The following SCFD2 variants were observed in gnomAD, a reference collection of about 807,000 sequenced individuals.
SCFD2 encodes the protein sec1 family domain-containing protein 2.
A neutral mutation model predicts 58.9 loss-of-function variants in SCFD2; 54 were observed. The ratio of observed to expected loss-of-function variants is 0.92; its 90% CI spans 0.74 to 1.15. The LOEUF (loss-of-function observed/expected upper bound fraction) is 1.15, where lower values mean the gene tolerates loss of function less well. Among genes scored for constraint, SCFD2 ranks in the 50% most tolerant of loss-of-function variants. The probability of loss-of-function intolerance (pLI) is 0.00; values close to 1 mark genes in which losing one functional copy is unlikely to be tolerated. For synonymous variants in SCFD2, 321 were observed against 335.9 expected, an observed-to-expected ratio of 0.96 and a Z score of 0.49; for missense variants, 805 against 836.6, an observed-to-expected ratio of 0.96 and a Z score of 0.47.
chr4:52,903,137 T>C (rs1321768368), intron 7 of SCFD2, among the ~76,000 whole-genome samples: 1 of 152,182 alleles, frequency 6.6e-6, no homozygotes, highest in Non-Finnish European at 1.5e-5. Flanking sequence ...TTCTGTTCTG[T>C]TCTCTAGAGA....
chr4:53,046,010 A>G lies in SCFD2; in HGVS notation c.1561+99323T>C, dbSNP rs148995026. Among the ~76,000 whole-genome samples the G allele has an allele frequency of 5.3e-4, 81 of 152,282 alleles. 1 individual carries two copies. The East Asian group carries it at 0.014, about 26-fold the overall frequency. On this transcript the variant is annotated intron_variant, in intron 5 of 8. Coordinates refer to ENST00000401642, the MANE Select transcript of SCFD2 (RefSeq NM_152540.4). ...CTTAAAGATGGGGAAACTAAAGATC[A>G]GAGGTCACTTAACTATCCAGAGGCT...
At chr4:53,178,546 GA>G (rs550200058) in intron 4 of SCFD2, among the ~76,000 whole-genome samples, 1 of 151,986 alleles carries the variant, frequency 6.6e-6, no homozygotes, top group African/African-American at 2.4e-5. Context: ...ACAAAGATGG[GA>G]AAAAAACAGA....
intron 3 of SCFD2, 52 bp downstream of exon 3, chr4:53,313,584 A>G: frequency 6.2e-7 from 1 of 1,609,300 alleles, no homozygotes; most frequent in Non-Finnish European, 8.5e-7. Flanking sequence ...AATTCAGAAC[A>G]GGTTTAAATA....
chr4:53,252,544 T>C (rs1172312759), intron 4 of SCFD2, among the ~76,000 whole-genome samples: 7 of 149,432 alleles, frequency 4.7e-5, no homozygotes, highest in African/African-American at 1.2e-4. Context: ...GAGATATAGA[T>C]CAATGGAACA....
intron 6 of SCFD2, among the ~76,000 whole-genome samples, chr4:52,912,776 ACTT>A (rs1466188065): frequency 6.6e-6 from 1 of 152,146 alleles, no homozygotes; most frequent in African/African-American, 2.4e-5. Context: ...CTTGGCAATG[ACTT>A]CTTAGATGGG....
chr4:53,196,925 T>C (rs1728076593), intron 4 of SCFD2, among the ~76,000 whole-genome samples: 4 of 152,172 alleles, frequency 2.6e-5, no homozygotes, highest in Non-Finnish European at 5.9e-5. Flanking sequence ...CGATATACTT[T>C]ACCACAAAAT....
chr4:52,902,854 C>T (rs1273755245), intron 7 of SCFD2, among the ~76,000 whole-genome samples: 2 of 152,308 alleles, frequency 1.3e-5, no homozygotes, highest in Non-Finnish European at 2.9e-5. Context: ...AGATGTGTTA[C>T]CACTACTTTC....
intron 3 of SCFD2, among the ~76,000 whole-genome samples, chr4:53,290,930 C>T (rs910549534): frequency 9.8e-4 from 149 of 152,068 alleles, no homozygotes; most frequent in African/African-American, 3.5e-3. Context: ...AGACCAATAA[C>T]AAATAAAGAG....
At chr4:53,210,503 CAGA>C (rs1193225997) in intron 4 of SCFD2, among the ~76,000 whole-genome samples, 3 of 152,026 alleles carry the variant, frequency 2.0e-5, no homozygotes, top group Admixed American at 1.3e-4. Context: ...AGATTGAATG[CAGA>C]AGGAGAGACG....
At position 53,261,341 on chromosome 4, in the gene SCFD2, C is replaced by T. The variant is rs190072348; in HGVS notation, c.1311+12485G>A. On this transcript the variant is annotated intron_variant, in intron 4 of 8. Coordinates refer to ENST00000401642, the MANE Select transcript of SCFD2 (RefSeq NM_152540.4). Reference sequence around the variant, plus strand: ...TGACCTTAGTTTATCTATTCGTGCTCTTTCAGACTTTTTGATGTAGGCATT... The same window carrying T: ...TGACCTTAGTTTATCTATTCGTGCTTTTTCAGACTTTTTGATGTAGGCATT... Among the ~76,000 whole-genome samples, 340 of 152,186 alleles carry T rather than the reference C, an allele frequency of 2.2e-3. 1 individual carries two copies. The highest frequency in any genetic ancestry group is 3.3e-3 in the Non-Finnish European group (223 of 68,000).
intron 4 of SCFD2, among the ~76,000 whole-genome samples, chr4:53,242,469 G>GAAA (rs58962140): frequency 1.3e-5 from 2 of 151,630 alleles, no homozygotes; most frequent in Non-Finnish European, 2.9e-5. Flanking sequence ...GATAAAAGAG[G>GAAA]AAAAAAAATC....
intron 4 of SCFD2, among the ~76,000 whole-genome samples, chr4:53,260,882 A>G (rs763332034): frequency 6.6e-5 from 10 of 151,866 alleles, no homozygotes; most frequent in Non-Finnish European, 1.3e-4. Context: ...CAATTTTTTT[A>G]TTGCCATTTC....
intron 2 of SCFD2, among the ~76,000 whole-genome samples, chr4:53,350,541 A>G (rs1162672898): frequency 2.0e-5 from 3 of 152,106 alleles, no homozygotes; most frequent in Non-Finnish European, 2.9e-5. Context: ...GCCAAAATTG[A>G]TTTCCATTGT....
At chr4:53,059,595 T>C (rs1020380516) in intron 5 of SCFD2, among the ~76,000 whole-genome samples, 1 of 112,840 alleles carries the variant, frequency 8.9e-6, no homozygotes, top group African/African-American at 3.3e-5. Context: ...CAAATGTCTT[T>C]TGGTAAAATC....
chr4:52,896,317 C>T (rs920753715), intron 7 of SCFD2, among the ~76,000 whole-genome samples: 8 of 152,128 alleles, frequency 5.3e-5, no homozygotes, highest in African/African-American at 1.9e-4. Flanking sequence ...AGTCTTTAAT[C>T]CATCTTGAAT....
rs559593237 is a variant in SCFD2, at chr4:53,295,879, C to A, written c.1135+17757G>T. On this transcript the variant is annotated intron_variant, in intron 3 of 8. Transcript: ENST00000401642. ...TGAATTTTGTCAAAGGTGTTTTCTG[C>A]ATCTATTGAGATAATCATGTGGTTT... 2.6e-5 allele frequency among the ~76,000 whole-genome samples: 4 copies of A among 152,256 alleles called. No homozygotes were observed. In the South Asian group the frequency reaches 8.3e-4, roughly 32 times the overall value.
At chr4:53,031,102 T>C (rs186949877) in intron 5 of SCFD2, among the ~76,000 whole-genome samples, 30 of 152,320 alleles carry the variant, frequency 2.0e-4, no homozygotes, top group Admixed American at 7.2e-4. Flanking sequence ...CAATCTTTGC[T>C]GTTCTGCAGC....
chr4:53,312,427 T>C (rs1327481226), intron 3 of SCFD2, among the ~76,000 whole-genome samples: 1 of 152,016 alleles, frequency 6.6e-6, no homozygotes, highest in Non-Finnish European at 1.5e-5. Context: ...CAAAATGGGA[T>C]ACTAATAGTA....
chr4:53,008,397 T>G (rs561108041), intron 5 of SCFD2, among the ~76,000 whole-genome samples: 1 of 152,174 alleles, frequency 6.6e-6, no homozygotes, highest in East Asian at 1.9e-4. Flanking sequence ...GAAGGCAGAA[T>G]AATGAGCACA....
Sources: allele counts gnomAD v4.1 joint callset (sites outside exome capture counted in the v4.1 genomes callset), GRCh38; gene constraint gnomAD v4.1.1; transcripts MANE v1.5; gene names NCBI Gene and HGNC (gene_info 2026-07-23, HGNC 2026-07-21).